CDC20B: variants seen among roughly 807,000 people sequenced by gnomAD.
The protein encoded by CDC20B is cell division cycle protein 20 homolog B.
A neutral mutation model predicts 64.1 loss-of-function variants in CDC20B; 58 were observed. The ratio of observed to expected loss-of-function variants is 0.90; its 90% CI spans 0.73 to 1.13. The LOEUF (loss-of-function observed/expected upper bound fraction) is 1.13. Among genes scored for constraint, CDC20B ranks in the 50% most tolerant of loss-of-function variants. CDC20B has a pLI of 0.00. For synonymous variants in CDC20B, 243 were observed against 230.6 expected, an observed-to-expected ratio of 1.05 and a Z score of -0.49; for missense variants, 597 against 633.0, an observed-to-expected ratio of 0.94 and a Z score of 0.61.
rs1160542057 is a variant in CDC20B, at chr5:55,154,897, G to A, written c.127-8041C>T. On this transcript the variant is annotated intron_variant, in intron 2 of 11. Transcript: ENST00000381375. ...GTATTAAAATGTTAAGCAAATAAAC[G>A]ATATACAGATATGGCAAAATCACAG... is the stretch of plus-strand genomic sequence containing the variant. 5.9e-5 allele frequency among the ~76,000 whole-genome samples: 9 copies of A among 152,188 alleles called. No individual in the cohort carries two copies. In the East Asian group the frequency reaches 9.6e-4, roughly 16 times the overall value.
intron 11 of CDC20B, among the ~76,000 whole-genome samples, chr5:55,115,220 T>TATG (rs1306247240): frequency 2.0e-5 from 3 of 152,322 alleles, no homozygotes; most frequent in African/African-American, 7.2e-5. Context: ...AAATTATTAT[T>TATG]TGCCAAAGAA....
intron 11 of CDC20B, among the ~76,000 whole-genome samples, chr5:55,119,466 A>G (rs527923808): frequency 3.3e-5 from 5 of 152,192 alleles, no homozygotes; most frequent in East Asian, 3.9e-4. Flanking sequence ...AGATCGCTTT[A>G]TCTTCCACCC....
At chr5:55,141,429 G>A (rs944855781) in intron 4 of CDC20B, among the ~76,000 whole-genome samples, 2 of 152,122 alleles carry the variant, frequency 1.3e-5, no homozygotes, top group Non-Finnish European at 2.9e-5. Context: ...TACCTTTTAC[G>A]GACAATAGTG....
At chr5:55,161,118 A>G (rs1744030702) in intron 2 of CDC20B, 1 of 1,614,098 alleles carries the variant, frequency 6.2e-7, no homozygotes, top group African/African-American at 1.3e-5. Context: ...CCCTGCAATC[A>G]GTTTGGAGAA....
chr5:55,115,907 A>C (rs919299020), intron 11 of CDC20B, among the ~76,000 whole-genome samples: 1 of 152,056 alleles, frequency 6.6e-6, no homozygotes, highest in African/African-American at 2.4e-5. Context: ...CACACACACC[A>C]CACACACACG....
At chr5:55,132,487 C>G (rs1743055433) in intron 6 of CDC20B, among the ~76,000 whole-genome samples, 1 of 152,212 alleles carries the variant, frequency 6.6e-6, no homozygotes, top group Admixed American at 6.5e-5. Context: ...TCTTTCCTCT[C>G]CAAATCACCT....
In CDC20B at chr5:55,140,424, A is replaced by G; in HGVS notation, c.487-17T>C. On this transcript the variant is annotated splice_polypyrimidine_tract_variant and intron_variant, in intron 4 of 11. Coordinates refer to ENST00000381375, the MANE Select transcript of CDC20B (RefSeq NM_001170402.1). ...TAGGCATTTCTGAAAATAAACACACATAAGGAGAATATTTCTTTAAAAACA... is the reference window on the plus strand; with the variant it reads ...TAGGCATTTCTGAAAATAAACACACGTAAGGAGAATATTTCTTTAAAAACA... The G allele has an allele frequency of 6.5e-7, 1 of 1,536,390 alleles. No individual in the cohort carries two copies. Among genetic ancestry groups the G allele is most frequent in the Non-Finnish European group, 9.0e-7 (1 of 1,113,366 alleles).
Position 55,173,119 on chromosome 5 carries a change from C to T in CDC20B, c.-119G>A. ...GTCAAACCCCTGGAGTCCCGTCCCCCAGGACCATTCTATTTCACCACCTCC... is the reference window on the plus strand; with the variant it reads ...GTCAAACCCCTGGAGTCCCGTCCCCTAGGACCATTCTATTTCACCACCTCC... On this transcript the variant is annotated 5_prime_UTR_variant, in exon 1 of 12. Transcript: ENST00000381375. 2.5e-6 allele frequency: 2 copies of T among 786,826 alleles called. No homozygotes were observed. The highest frequency in any genetic ancestry group is 3.2e-5 in the South Asian group (2 of 62,192). The allele number at this position is 786,826 out of a possible 1,614,324, so 48.7% of individuals were successfully genotyped here.
intron 2 of CDC20B, chr5:55,164,052 T>G (rs1343537891): frequency 4.5e-6 from 7 of 1,562,228 alleles, no homozygotes; most frequent in Non-Finnish European, 6.1e-6. Flanking sequence ...CTGGATATTT[T>G]AGATTCTTCA....
intron 7 of CDC20B, among the ~76,000 whole-genome samples, chr5:55,127,766 C>T (rs1011142122): frequency 6.6e-6 from 1 of 152,168 alleles, no homozygotes; most frequent in African/African-American, 2.4e-5. Flanking sequence ...ATTCCACTTA[C>T]TGCTAAGAGA....
rs747715607 is a variant in CDC20B, at chr5:55,172,585, C to T, written c.126+3G>A. On this transcript the variant is annotated splice_donor_region_variant and intron_variant, in intron 2 of 11. Transcript: ENST00000381375. Reference sequence around the variant, plus strand: ...AGAGAACAAGAACAAGCCCTGGACTCACGTTGGCGGAATCTTGACTTCTCT... The same window carrying T: ...AGAGAACAAGAACAAGCCCTGGACTTACGTTGGCGGAATCTTGACTTCTCT... 2 of 1,609,756 alleles carry T rather than the reference C, an allele frequency of 1.2e-6. No individual in the cohort carries two copies. The highest frequency in any genetic ancestry group is 2.2e-5 in the South Asian group (2 of 90,976).
At chr5:55,166,275 G>T in intron 2 of CDC20B, 1 of 152,348 alleles carries the variant, frequency 6.6e-6, no homozygotes. Context: ...CAGTCAACAT[G>T]ATACAGATGA....
chr5:55,140,466 A>G lies in CDC20B; in HGVS notation c.487-59T>C, dbSNP rs1743300728. On this transcript the variant is annotated intron_variant, in intron 4 of 11. Coordinates refer to ENST00000381375, the MANE Select transcript of CDC20B (RefSeq NM_001170402.1). Reference sequence around the variant, plus strand: ...TTAAAAACATACATGTACAACTAAAATGTAATGTATAATATAGAATTACAA... The same window carrying G: ...TTAAAAACATACATGTACAACTAAAGTGTAATGTATAATATAGAATTACAA... The G allele has an allele frequency of 5.3e-6, 6 of 1,134,688 alleles. No homozygotes were observed. The Admixed American group carries it at 9.5e-5, about 18-fold the overall frequency. The allele number at this position is 1,134,688 out of a possible 1,614,324, so 70.3% of individuals were successfully genotyped here. A position where few individuals can be genotyped will look rare whatever the true frequency, so the allele number is the denominator to read the frequency against.
At chr5:55,136,285 T>G (rs1033909769) in intron 5 of CDC20B, among the ~76,000 whole-genome samples, 1 of 151,104 alleles carries the variant, frequency 6.6e-6, no homozygotes, top group African/African-American at 2.4e-5. Flanking sequence ...ACACGGCAGG[T>G]GCAGTGGTTC....
At chr5:55,126,465 T>TAAAAAAAAAAAA (rs1491382345) in intron 8 of CDC20B, 1 of 75,850 alleles carries the variant, frequency 1.3e-5, no homozygotes, top group African/African-American at 1.2e-4. Context: ...AGATTCCATG[T>TAAAAAAAAAAAA]CAAAAAAAAA....
intron 2 of CDC20B, among the ~76,000 whole-genome samples, chr5:55,155,505 C>G (rs970063135): frequency 6.6e-6 from 1 of 152,166 alleles, no homozygotes; most frequent in Non-Finnish European, 1.5e-5. Flanking sequence ...CGCTCCCACC[C>G]ACCACCAGCC....
chr5:55,135,691 G>A (rs1455234078), intron 5 of CDC20B: 1 of 151,892 alleles, frequency 6.6e-6, no homozygotes, highest in Non-Finnish European at 1.5e-5. Flanking sequence ...TGCAGCCCAG[G>A]AGGGCTTTGA....
chr5:55,138,961 AT>A (rs1580349163), intron 5 of CDC20B, among the ~76,000 whole-genome samples: 1 of 151,432 alleles, frequency 6.6e-6, no homozygotes, highest in East Asian at 1.9e-4. Flanking sequence ...AATAAAAAAA[AT>A]ATTAAAAAAT....
At chr5:55,167,957 A>AG (rs1232264569) in intron 2 of CDC20B, among the ~76,000 whole-genome samples, 3 of 152,128 alleles carry the variant, frequency 2.0e-5, no homozygotes, top group Non-Finnish European at 4.4e-5. Context: ...GCTTAAGCCC[A>AG]GGAGGTAGAG....
Sources: allele counts gnomAD v4.1 joint callset (sites outside exome capture counted in the v4.1 genomes callset), GRCh38; gene constraint gnomAD v4.1.1; transcripts MANE v1.5; gene names NCBI Gene and HGNC (gene_info 2026-07-23, HGNC 2026-07-21).